Variants in UBE4B observed in about 807,000 individuals in gnomAD.
UBE4B encodes the protein ubiquitin conjugation factor E4 B.
UBE4B carries 27 observed loss-of-function variants against 148.1 expected under a neutral mutation model. The ratio of observed to expected loss-of-function variants is 0.18; its 90% CI spans 0.13 to 0.25. The LOEUF is 0.25. Among genes scored for constraint, UBE4B ranks in the 10% least tolerant of loss-of-function variants. The pLI, the probability that UBE4B is intolerant of heterozygous loss-of-function variation, is 1.00. For missense variants in UBE4B, 1,170 were observed against 1,662.4 expected (o/e 0.70, Z 5.15); for synonymous variants, 596 against 619.3 (o/e 0.96, Z 0.56).
At chr1:10,147,216 C>T (rs941127726) in intron 19 of UBE4B, 126 bp downstream of exon 19, 27 of 1,448,486 alleles carry the variant, frequency 1.9e-5, no homozygotes, top group Admixed American at 1.1e-4. Context: ...CTCTGCAAGG[C>T]GCAGTGGTTC....
At chr1:10,155,761 G>A (rs1646059095) in intron 21 of UBE4B, among the ~76,000 whole-genome samples, 1 of 152,236 alleles carries the variant, frequency 6.6e-6, no homozygotes, top group African/African-American at 2.4e-5. Context: ...GGTGGCTCAC[G>A]CCTGTAATCC....
chr1:10,120,569 G>T (rs1407447912), intron 9 of UBE4B, among the ~76,000 whole-genome samples: 1 of 152,116 alleles, frequency 6.6e-6, no homozygotes, highest in Admixed American at 6.5e-5. Flanking sequence ...TACAGGCCAG[G>T]CTCATGCCTG....
intron 16 of UBE4B, among the ~76,000 whole-genome samples, chr1:10,135,735 CA>C (rs33967541): frequency 8.1e-5 from 9 of 111,264 alleles, no homozygotes; most frequent in East Asian, 2.6e-4. Flanking sequence ...GACTCTGTCT[CA>C]AAAAAAAAAA....
intron 23 of UBE4B, among the ~76,000 whole-genome samples, chr1:10,162,143 C>T (rs527728453): frequency 7.0e-4 from 107 of 152,038 alleles, no homozygotes; most frequent in Non-Finnish European, 1.1e-3. Context: ...GGATTACAGG[C>T]GCCTGCCACC....
chr1:10,073,218 A>G (rs1367034674), intron 2 of UBE4B: 2 of 152,214 alleles, frequency 1.3e-5, no homozygotes, highest in South Asian at 2.1e-4. Flanking sequence ...AGTACTGACA[A>G]CAGTGCTCTT....
At chr1:10,104,920 T>C (rs1645080872) in intron 5 of UBE4B, among the ~76,000 whole-genome samples, 1 of 152,240 alleles carries the variant, frequency 6.6e-6, no homozygotes, top group African/African-American at 2.4e-5. Context: ...GTATTTAAAA[T>C]GTATCTAAAG....
rs33997625 is a variant in UBE4B at position 10,102,391 on chromosome 1, C to CTTTTTTTTT, written c.436-528_436-520dup. The stretch of plus-strand genomic sequence containing the variant: ...GGTGACTTTTGATAATGACTTTGCT[C>CTTTTTTTTT]TTTTTTTTTTTTTTTTTTTTTTTTT... On this transcript the variant is annotated intron_variant, in intron 4 of 27. Coordinates refer to ENST00000343090, the MANE Select transcript of UBE4B (RefSeq NM_001105562.3). Among the ~76,000 whole-genome samples, 144 of 51,566 alleles carry CTTTTTTTTT rather than the reference C, an allele frequency of 2.8e-3. 52 individuals are homozygous for CTTTTTTTTT. The highest frequency in any genetic ancestry group is 3.8e-3 in the Non-Finnish European group (98 of 25,530). The allele number at this position is 51,566 out of a possible 152,430, so 33.8% of individuals were successfully genotyped here.
rs1204117644 is a variant in UBE4B, at chr1:10,171,347, GTC to G, written c.3525+24_3525+25del. On this transcript the variant is annotated intron_variant, in intron 25 of 27. Transcript: ENST00000343090. ...ACGACCAGGTCAGTGAGTTGAGTTGGTCTCTCTGTGAGTTTACTGGCAGATTT... is the reference window on the plus strand; with the variant it reads ...ACGACCAGGTCAGTGAGTTGAGTTGGTCTCTGTGAGTTTACTGGCAGATTT... The G allele has an allele frequency of 6.2e-7, 1 of 1,610,356 alleles. No homozygotes were observed. The highest frequency in any genetic ancestry group is 8.5e-7 in the Non-Finnish European group (1 of 1,177,724).
chr1:10,102,377 A>G (rs1447170168), intron 4 of UBE4B, among the ~76,000 whole-genome samples: 4 of 118,356 alleles, frequency 3.4e-5, no homozygotes, highest in Non-Finnish European at 5.3e-5. Context: ...GTGACTTTTG[A>G]TAATGACTTT....
At chr1:10,154,719 A>G (rs1283105530) in intron 21 of UBE4B, among the ~76,000 whole-genome samples, 1 of 152,012 alleles carries the variant, frequency 6.6e-6, no homozygotes, top group Non-Finnish European at 1.5e-5. Context: ...GTGCACACCT[A>G]TAGTCCCAGC....
intron 25 of UBE4B, among the ~76,000 whole-genome samples, chr1:10,175,486 CT>C (rs1394686109): frequency 6.9e-6 from 1 of 144,284 alleles, no homozygotes; most frequent in African/African-American, 2.8e-5. Flanking sequence ...CCCATCTCTA[CT>C]AAAAATACAA....
At chr1:10,098,400 T>G (rs957825032) in intron 3 of UBE4B, among the ~76,000 whole-genome samples, 1 of 152,200 alleles carries the variant, frequency 6.6e-6, no homozygotes, top group African/African-American at 2.4e-5. Context: ...ATCTTTAAAC[T>G]CACAGTGTGG....
intron 1 of UBE4B, among the ~76,000 whole-genome samples, chr1:10,063,097 G>A (rs760412397): frequency 1.2e-4 from 18 of 150,876 alleles, no homozygotes; most frequent in South Asian, 2.1e-4. Flanking sequence ...GTGAAACCCC[G>A]TCTCTAATAA....
chr1:10,035,335 C>T (rs1643468735), intron 1 of UBE4B, among the ~76,000 whole-genome samples: 1 of 148,944 alleles, frequency 6.7e-6, no homozygotes, highest in Non-Finnish European at 1.5e-5. Flanking sequence ...CTACCTCCCC[C>T]GTTTTTCATT....
intron 25 of UBE4B, among the ~76,000 whole-genome samples, chr1:10,175,592 A>G (rs1333614639): frequency 4.6e-5 from 7 of 152,120 alleles, no homozygotes; most frequent in Non-Finnish European, 8.8e-5. Flanking sequence ...TGGAGCTTGC[A>G]GTGAGCCGAG....
chr1:10,151,509 C>T lies in UBE4B; in HGVS notation c.2874C>T (p.Asn958=). ...AGAAGTTTTTTGAAATGATTGAGAA[C>T]CATCCTCTCTCCACCAAGTTGTTGG... ...RTQKFFEMIE[N]HPLSTKLLVP... is the part of the protein sequence containing the mutation. Residue 958 remains asparagine (N), a synonymous_variant, in exon 21 of 28, where the codon AAC becomes AAT. Coordinates refer to ENST00000343090, the MANE Select transcript of UBE4B (RefSeq NM_001105562.3). 6.2e-7 allele frequency: 1 copy of T among 1,614,124 alleles called. No individual in the cohort carries two copies. Among genetic ancestry groups the T allele is most frequent in the South Asian group, 1.1e-5 (1 of 91,090 alleles).
At chr1:10,091,762 C>T (rs937464814) in intron 2 of UBE4B, among the ~76,000 whole-genome samples, 5 of 152,114 alleles carry the variant, frequency 3.3e-5, no homozygotes, top group Admixed American at 6.6e-5. Context: ...CCCGCCTCTG[C>T]GCCAGGCTAA....
intron 25 of UBE4B, among the ~76,000 whole-genome samples, chr1:10,171,903 A>C (rs1646344846): frequency 6.6e-6 from 1 of 152,156 alleles, no homozygotes; most frequent in Admixed American, 6.5e-5. Context: ...TAAGTAAGTA[A>C]GTAAGTAAAA....
chr1:10,125,205 G>A (rs1016814505), intron 10 of UBE4B, among the ~76,000 whole-genome samples: 1 of 152,226 alleles, frequency 6.6e-6, no homozygotes, highest in Non-Finnish European at 1.5e-5. Context: ...AACTATACAA[G>A]AAAGTGTAAT....
Sources: gnomAD v4.1 joint callset for allele counts (sites outside exome capture counted in the v4.1 genomes callset) on GRCh38, gnomAD v4.1.1 for gene constraint, MANE v1.5 for transcripts, NCBI Gene and HGNC (gene_info 2026-07-23, HGNC 2026-07-21) for gene names.